The following TBC1D32 variants were observed in gnomAD, a reference collection of about 807,000 sequenced individuals.
The protein encoded by TBC1D32 is TBC1 domain family member 32.
A neutral mutation model predicts 170.3 loss-of-function variants in TBC1D32; 151 were observed. That is an observed-to-expected ratio of 0.89 (90% confidence interval 0.78 to 1.01). The LOEUF (loss-of-function observed/expected upper bound fraction) is 1.01. Ranked by LOEUF, TBC1D32 falls within the 50% of genes least tolerant of loss-of-function variation. TBC1D32 has a pLI of 0.00. For missense variants in TBC1D32, 1,464 were observed against 1,457.1 expected (o/e 1.00, Z -0.08); for synonymous variants, 498 against 488.0 (o/e 1.02, Z -0.27).
chr6:121,140,868 T>C (rs1203588572), intron 24 of TBC1D32, among the ~76,000 whole-genome samples: 1 of 152,148 alleles, frequency 6.6e-6, no homozygotes, highest in Non-Finnish European at 1.5e-5. Context: ...AACTTTTGCA[T>C]ACTCTAGAAC....
At chr6:121,175,622 T>G (rs1276680681) in intron 22 of TBC1D32, among the ~76,000 whole-genome samples, 1 of 152,140 alleles carries the variant, frequency 6.6e-6, no homozygotes, top group Non-Finnish European at 1.5e-5. Flanking sequence ...TAAAAGCTCT[T>G]TGATTTAAGA....
chr6:121,204,137 T>C (rs983961767), intron 22 of TBC1D32, among the ~76,000 whole-genome samples: 1 of 151,276 alleles, frequency 6.6e-6, no homozygotes, highest in Non-Finnish European at 1.5e-5. Context: ...CAAAACTTGC[T>C]ATCTGATGTA....
chr6:121,334,702 G>C, upstream of TBC1D32: 1 of 477,400 alleles, frequency 2.1e-6, no homozygotes, highest in Non-Finnish European at 3.8e-6. Flanking sequence ...AGGCTCTCCC[G>C]ACTAACAACA....
At chr6:121,208,051 G>T (rs1401700150) in intron 21 of TBC1D32, among the ~76,000 whole-genome samples, 3 of 151,798 alleles carry the variant, frequency 2.0e-5, no homozygotes, top group Non-Finnish European at 4.4e-5. Context: ...TAGAGGAAAA[G>T]GCTGCTCTCC....
intron 22 of TBC1D32, among the ~76,000 whole-genome samples, chr6:121,200,829 A>G (rs1791453416): frequency 6.6e-6 from 1 of 151,470 alleles, no homozygotes; most frequent in Admixed American, 6.6e-5. Flanking sequence ...GTCAAGACAT[A>G]AAAAACAAGT....
chr6:121,095,245 ATT>A, intron 30 of TBC1D32, among the ~76,000 whole-genome samples: 1 of 152,252 alleles, frequency 6.6e-6, no homozygotes, highest in African/African-American at 2.4e-5. Context: ...TTCCTAGGCA[ATT>A]TTGTTCTTGA....
intron 17 of TBC1D32, among the ~76,000 whole-genome samples, chr6:121,245,559 T>C (rs1399159836): frequency 2.0e-5 from 3 of 152,136 alleles, no homozygotes; most frequent in Non-Finnish European, 2.9e-5. Context: ...CTCTATCCAA[T>C]AGGCAGACAG....
At chr6:121,277,851 T>G (rs1043124672) in intron 15 of TBC1D32, among the ~76,000 whole-genome samples, 4 of 150,952 alleles carry the variant, frequency 2.6e-5, no homozygotes, top group Admixed American at 6.6e-5. Context: ...ACAGTAAAAT[T>G]TATAAGCCTC....
intron 17 of TBC1D32, among the ~76,000 whole-genome samples, chr6:121,244,243 AATC>A (rs2128368460): frequency 6.6e-6 from 1 of 152,258 alleles, no homozygotes; most frequent in East Asian, 1.9e-4. Flanking sequence ...TAGAAAATGT[AATC>A]ATAAGTCATT....
intron 15 of TBC1D32, among the ~76,000 whole-genome samples, chr6:121,258,980 A>T (rs1437474779): frequency 1.6e-5 from 2 of 124,352 alleles, no homozygotes; most frequent in Non-Finnish European, 1.7e-5. Context: ...CTTTAATATT[A>T]AAAAAAAAAA....
chr6:121,168,712 TA>T (rs59283869), intron 22 of TBC1D32, among the ~76,000 whole-genome samples: 184 of 93,900 alleles, frequency 2.0e-3, no homozygotes, highest in Middle Eastern at 0.01. Flanking sequence ...TAGAGTATAA[TA>T]AAAAAAAAAA....
intron 30 of TBC1D32, among the ~76,000 whole-genome samples, chr6:121,102,670 T>C (rs1422626606): frequency 4.6e-5 from 7 of 152,140 alleles, no homozygotes; most frequent in Non-Finnish European, 1.0e-4. Flanking sequence ...ATTCAGGACA[T>C]AGGCATGGGC....
chr6:121,180,793 C>A (rs1350455801), intron 22 of TBC1D32, among the ~76,000 whole-genome samples: 1 of 152,068 alleles, frequency 6.6e-6, no homozygotes, highest in Non-Finnish European at 1.5e-5. Context: ...ACTGAAGAGA[C>A]AACCTGCTGA....
intron 9 of TBC1D32, among the ~76,000 whole-genome samples, chr6:121,302,563 G>C (rs1806655973): frequency 6.6e-6 from 1 of 151,844 alleles, no homozygotes; most frequent in Admixed American, 6.6e-5. Flanking sequence ...GACCTAAACA[G>C]ATAAATATAA....
chr6:121,252,794 A>G (rs1723117741), intron 17 of TBC1D32, among the ~76,000 whole-genome samples: 1 of 152,206 alleles, frequency 6.6e-6, no homozygotes, highest in South Asian at 2.1e-4. Flanking sequence ...GAACCCAGAA[A>G]TAAAGCCAAA....
At chr6:121,183,210 C>T (rs958085350) in intron 22 of TBC1D32, among the ~76,000 whole-genome samples, 2 of 151,928 alleles carry the variant, frequency 1.3e-5, no homozygotes, top group African/African-American at 2.4e-5. Flanking sequence ...TTCTGTACAC[C>T]GAAGGAAAGA....
At chr6:121,092,285 A>G (rs1776882914) in intron 30 of TBC1D32, among the ~76,000 whole-genome samples, 1 of 109,746 alleles carries the variant, frequency 9.1e-6, no homozygotes, top group Non-Finnish European at 1.9e-5. Context: ...CTTCTCCTTC[A>G]GTTTTATGTT....
chr6:121,252,770 T>C (rs1167432095), intron 17 of TBC1D32, among the ~76,000 whole-genome samples: 1 of 151,958 alleles, frequency 6.6e-6, no homozygotes, highest in African/African-American at 2.4e-5. Context: ...TGTAGACCAA[T>C]GGAACAGAAT....
intron 22 of TBC1D32, among the ~76,000 whole-genome samples, chr6:121,190,970 CTAAA>C (rs1212223352): frequency 6.6e-6 from 1 of 152,004 alleles, no homozygotes. Context: ...TATTAACAGT[CTAAA>C]TAATTCCATC....
Sources: allele counts gnomAD v4.1 joint callset (sites outside exome capture counted in the v4.1 genomes callset), GRCh38; gene constraint gnomAD v4.1.1; transcripts MANE v1.5; gene names NCBI Gene and HGNC (gene_info 2026-07-23, HGNC 2026-07-21).